The following IGSF5 variants were observed in gnomAD, a reference collection of about 807,000 sequenced individuals.
IGSF5 encodes the protein immunoglobulin superfamily 5 like.
IGSF5 carries 41 observed loss-of-function variants against 39.4 expected under a neutral mutation model. That is an observed-to-expected ratio of 1.04 (90% CI 0.81 to 1.35). The LOEUF (loss-of-function observed/expected upper bound fraction) is 1.35. IGSF5 is among the 40% of genes most tolerant of loss of function. The pLI is 0.00. For synonymous variants in IGSF5, 183 were observed against 175.3 expected (o/e 1.04, Z -0.34); for missense variants, 487 against 494.6 (o/e 0.98, Z 0.15).
intron 8 of IGSF5, among the ~76,000 whole-genome samples, chr21:39,796,625 C>G (rs1352616443): frequency 6.6e-6 from 1 of 152,212 alleles, no homozygotes; most frequent in Non-Finnish European, 1.5e-5. Flanking sequence ...TTTGCGCACA[C>G]AGGCCTCCCA....
At chr21:39,747,554 C>T (rs1026344287) in intron 2 of IGSF5, among the ~76,000 whole-genome samples, 4 of 152,160 alleles carry the variant, frequency 2.6e-5, no homozygotes, top group South Asian at 2.1e-4. Flanking sequence ...TTAGGAATGA[C>T]GGGAGTTACC....
the IGSF5 span, among the ~76,000 whole-genome samples, chr21:39,735,709 G>A: frequency 4.6e-4 from 70 of 152,272 alleles, no homozygotes; most frequent in African/African-American, 7.5e-4. Context: ...CAAAGAACAC[G>A]CATATATATG....
chr21:39,747,579 G>C (rs2079981962), intron 2 of IGSF5, among the ~76,000 whole-genome samples: 1 of 152,194 alleles, frequency 6.6e-6, no homozygotes, highest in Non-Finnish European at 1.5e-5. Flanking sequence ...AGTTAATAAG[G>C]ATGATGAAAA....
chr21:39,748,301 C>CTTTTTT lies in IGSF5; in HGVS notation c.100+2025_100+2030dup, dbSNP rs60669244. On this transcript the variant is annotated intron_variant, in intron 2 of 8. Coordinates refer to ENST00000380588, the MANE Select transcript of IGSF5 (RefSeq NM_001080444.2). ...TGTGCAAGTGAAGAGAAAACAAGATCTTTTTTTTTTTTTTTTTTTTTTTTT... is the reference window on the plus strand; with the variant it reads ...TGTGCAAGTGAAGAGAAAACAAGATCTTTTTTTTTTTTTTTTTTTTTTTTTTTTTTT... Among the ~76,000 whole-genome samples the CTTTTTT allele has an allele frequency of 4.9e-3, 286 of 58,238 alleles. 73 individuals carry two copies. Among genetic ancestry groups the CTTTTTT allele is most frequent in the East Asian group, 0.015 (25 of 1,702 alleles). The allele number at this position is 58,238 out of a possible 152,430, so 38.2% of individuals were successfully genotyped here.
chr21:39,730,329 G>A, the IGSF5 span: 1 of 151,980 alleles, frequency 6.6e-6, no homozygotes, highest in African/African-American at 2.4e-5. Context: ...ACATTGGATT[G>A]GATTAGGGCC....
chr21:39,743,051 C>T (rs1201802804), upstream of IGSF5, among the ~76,000 whole-genome samples: 1 of 152,170 alleles, frequency 6.6e-6, no homozygotes, highest in African/African-American at 2.4e-5. Flanking sequence ...CTTCCTTTCC[C>T]TATGCTATAG....
the IGSF5 span, among the ~76,000 whole-genome samples, chr21:39,734,560 T>C: frequency 6.6e-6 from 1 of 152,044 alleles, no homozygotes; most frequent in African/African-American, 2.4e-5. Flanking sequence ...CTCTCTCCTC[T>C]AGCTCCTGAT....
the IGSF5 span, among the ~76,000 whole-genome samples, chr21:39,719,332 G>A: frequency 1.4e-4 from 21 of 152,176 alleles, no homozygotes; most frequent in African/African-American, 5.1e-4. Context: ...CTCCATGAGG[G>A]CAGAAGCCAT....
intron 2 of IGSF5, among the ~76,000 whole-genome samples, chr21:39,761,231 C>T (rs1430802870): frequency 1.3e-5 from 2 of 152,178 alleles, no homozygotes; most frequent in Non-Finnish European, 2.9e-5. Context: ...AGGCCCTTAC[C>T]TCTCACCATT....
At chr21:39,752,254 A>G (rs2080009341) in intron 2 of IGSF5, among the ~76,000 whole-genome samples, 4 of 152,206 alleles carry the variant, frequency 2.6e-5, no homozygotes, top group Admixed American at 2.6e-4. Flanking sequence ...AAGTGAGAAC[A>G]TATGATGTTT....
At chr21:39,742,092 G>T (rs1425669501), upstream of IGSF5, among the ~76,000 whole-genome samples, 1 of 151,700 alleles carries the variant, frequency 6.6e-6, no homozygotes, top group South Asian at 2.1e-4. Flanking sequence ...GACAAAATGG[G>T]CATTCTTTGC....
chr21:39,792,017 A>C lies in IGSF5; in HGVS notation c.966A>C (p.Glu322Asp). 1 of 1,606,488 alleles carries C rather than the reference A, an allele frequency of 6.2e-7. No individual in the cohort carries two copies. Among genetic ancestry groups the C allele is most frequent in the Non-Finnish European group, 8.5e-7 (1 of 1,175,664 alleles). ...GFRIQFQKKS[E>D]KEKTNKETET... ...AATGGTCTAATTGTAGGAAATCTGA[A>C]AAAGAGAAGACAAACAAAGAAACTG... The change falls in exon 7 of 9, where the codon GAA (glutamate) becomes GAC (aspartate). Residue 322 changes from glutamate to aspartate, a missense_variant. Transcript: ENST00000380588.
At chr21:39,793,009 A>ATT (rs5843978) in intron 7 of IGSF5, among the ~76,000 whole-genome samples, 19 of 151,590 alleles carry the variant, frequency 1.3e-4, no homozygotes, top group Middle Eastern at 3.4e-3. Context: ...CAGCAGCCCC[A>ATT]TTTTTTTTGA....
intron 2 of IGSF5, among the ~76,000 whole-genome samples, chr21:39,754,461 T>C (rs2837153): frequency 0.71 from 107,612 of 151,852 alleles, 40,855 homozygotes; most frequent in Non-Finnish European, 0.84. Flanking sequence ...CTTTTGAAGA[T>C]TCCATTATCA....
chr21:39,748,301 CTTTTTTTTTTT>C (rs60669244), intron 2 of IGSF5, among the ~76,000 whole-genome samples: 7 of 58,216 alleles, frequency 1.2e-4, no homozygotes, highest in African/African-American at 1.9e-4. Flanking sequence ...AAAACAAGAT[CTTTTTTTTTTT>C]TTTTTTTTTT....
the IGSF5 span, chr21:39,730,440 G>A: frequency 1.3e-5 from 2 of 152,210 alleles, no homozygotes; most frequent in Non-Finnish European, 2.9e-5. Flanking sequence ...ACTTCAACAT[G>A]TCTTTTTTGG....
the IGSF5 span, among the ~76,000 whole-genome samples, chr21:39,720,499 G>A: frequency 3.5e-4 from 53 of 152,234 alleles, no homozygotes; most frequent in South Asian, 8.9e-3. Flanking sequence ...AGTATGGTAC[G>A]TGAAAAACAT....
At chr21:39,785,433 A>C (rs1389433277) in intron 5 of IGSF5, among the ~76,000 whole-genome samples, 4 of 152,290 alleles carry the variant, frequency 2.6e-5, no homozygotes, top group African/African-American at 9.6e-5. Context: ...TTTTGGTACC[A>C]GTACCATGCT....
chr21:39,788,622 A>G (rs1472700545), intron 6 of IGSF5, among the ~76,000 whole-genome samples: 2 of 152,234 alleles, frequency 1.3e-5, no homozygotes, highest in Non-Finnish European at 2.9e-5. Flanking sequence ...GAAACTGTCC[A>G]GGCAGACAAA....
Sources: gnomAD v4.1 joint callset for allele counts (sites outside exome capture counted in the v4.1 genomes callset) on GRCh38, gnomAD v4.1.1 for gene constraint, MANE v1.5 for transcripts, NCBI Gene and HGNC (gene_info 2026-07-23, HGNC 2026-07-21) for gene names.